The following GAK variants were observed in gnomAD, a reference collection of about 807,000 sequenced individuals.
GAK encodes the protein cyclin G associated kinase, also known as cyclin-G-associated kinase.
In GAK, 79 loss-of-function variants were observed where a neutral mutation model predicts 143.9. The observed-to-expected ratio is 0.55, with a 90% CI of 0.46 to 0.66. The LOEUF (loss-of-function observed/expected upper bound fraction) is 0.66, where lower values mean the gene tolerates loss of function less well. Among genes scored for constraint, GAK ranks in the 30% least tolerant of loss-of-function variants. The pLI is 0.00. For synonymous variants in GAK, 881 were observed against 765.5 expected, an observed-to-expected ratio of 1.15 and a Z score of -2.49; for missense variants, 1,693 against 1,779.7, an observed-to-expected ratio of 0.95 and a Z score of 0.88.
At chr4:929,511 C>G (rs1725346002) in intron 1 of GAK, among the ~76,000 whole-genome samples, 1 of 152,060 alleles carries the variant, frequency 6.6e-6, no homozygotes, top group Non-Finnish European at 1.5e-5. Context: ...ATACACCTGC[C>G]CTGGGCATCT....
At chr4:875,141 G>T (rs1489629945) in intron 18 of GAK, among the ~76,000 whole-genome samples, 1 of 152,072 alleles carries the variant, frequency 6.6e-6, no homozygotes, top group Non-Finnish European at 1.5e-5. Flanking sequence ...TCCCCGACAG[G>T]TCCTTCACCG....
intron 25 of GAK, chr4:851,286 G>A (rs926983566): frequency 4.1e-6 from 2 of 487,122 alleles, no homozygotes; most frequent in Non-Finnish European, 7.5e-6. Flanking sequence ...TTTGTAGAGA[G>A]GAGGTATCAC....
In GAK at chr4:876,591, A is replaced by C. The variant is rs1300405868; in HGVS notation, c.1993T>G (p.Phe665Val). The change falls in exon 18 of 28, where the codon TTC (phenylalanine) becomes GTC (valine). Residue 665 changes from phenylalanine (F) to valine (V), a missense_variant. Physicochemically the swap from Phe to Val is conservative, Grantham distance 50. Coordinates refer to ENST00000314167, the MANE Select transcript of GAK (RefSeq NM_005255.4). ...AACCCCGTGTGGAACTGAATCTGGAACATCTTCATGGATGCCATCTGCAAA... is the reference window on the plus strand; with the variant it reads ...AACCCCGTGTGGAACTGAATCTGGACCATCTTCATGGATGCCATCTGCAAA... The part of the protein sequence containing the change: ...LQAKMASMKM[F>V]QIQFHTGFVP... 1 of 1,614,188 alleles carries C rather than the reference A, an allele frequency of 6.2e-7. No homozygotes were observed. The highest frequency in any genetic ancestry group is 1.3e-5 in the African/African-American group (1 of 75,068).
intron 24 of GAK, among the ~76,000 whole-genome samples, chr4:856,951 A>G (rs1749401998): frequency 6.6e-6 from 1 of 152,210 alleles, no homozygotes; most frequent in South Asian, 2.1e-4. Flanking sequence ...TGCTGCCATA[A>G]AAGGTGCTGA....
chr4:903,043 G>A (rs967552507), intron 5 of GAK, among the ~76,000 whole-genome samples: 2 of 152,288 alleles, frequency 1.3e-5, no homozygotes, highest in African/African-American at 4.8e-5. Context: ...CGGGGCAGGA[G>A]TGTCCTCTGT....
At chr4:857,945 T>C (rs1749584630) in intron 24 of GAK, among the ~76,000 whole-genome samples, 1 of 152,326 alleles carries the variant, frequency 6.6e-6, no homozygotes, top group South Asian at 2.1e-4. Context: ...AGGCTGCACT[T>C]GCATCTTCAC....
At chr4:862,767 G>C (rs1442494924) in intron 23 of GAK, among the ~76,000 whole-genome samples, 1 of 152,046 alleles carries the variant, frequency 6.6e-6, no homozygotes, top group Non-Finnish European at 1.5e-5. Context: ...AATATTTTAA[G>C]TCCACTGTTG....
At chr4:905,625 C>T (rs745500431) in intron 4 of GAK, among the ~76,000 whole-genome samples, 9 of 151,620 alleles carry the variant, frequency 5.9e-5, no homozygotes, top group South Asian at 2.1e-4. Flanking sequence ...GGCCACGCTT[C>T]GGACTCTGCC....
intron 7 of GAK, among the ~76,000 whole-genome samples, chr4:895,319 C>T (rs1176322694): frequency 1.3e-5 from 2 of 152,248 alleles, no homozygotes; most frequent in East Asian, 1.9e-4. Flanking sequence ...GTGATTACTT[C>T]GGCATCAGGA....
Position 876,563 on chromosome 4 carries a change from A to T in GAK, c.2021T>A (p.Val674Glu). Residue 674 changes from valine (V) to glutamate (E), a missense_variant, in exon 18 of 28, where the codon GTG becomes GAG. Transcript: ENST00000314167. ...TTTCACAGTGGTGGCGTTCCGAGGC[A>T]CAAACCCCGTGTGGAACTGAATCTG... ...MFQIQFHTGF[V>E]PRNATTVKFA... 6.2e-7 allele frequency: 1 copy of T among 1,614,208 alleles called. No individual in the cohort carries two copies. The highest frequency in any genetic ancestry group is 8.5e-7 in the Non-Finnish European group (1 of 1,180,038).
At chr4:896,334 A>G in intron 7 of GAK, 126 bp downstream of exon 7, 1 of 703,326 alleles carries the variant, frequency 1.4e-6, no homozygotes, top group Non-Finnish European at 2.5e-6. Context: ...AGAAAAGGGG[A>G]CGGGAGGGGA....
chr4:887,455 A>G (rs1716677078), intron 11 of GAK: 1 of 151,268 alleles, frequency 6.6e-6, no homozygotes, highest in Non-Finnish European at 1.5e-5. Context: ...ACATGCATAC[A>G]CATGCACGCA....
At chr4:903,210 A>G (rs3775116) in intron 5 of GAK, among the ~76,000 whole-genome samples, 114,537 of 151,952 alleles carry the variant, frequency 0.75, 43,646 homozygotes, top group African/African-American at 0.83. Context: ...TCTGTGTGGC[A>G]GTGTGGTGGG....
At position 867,873 on chromosome 4, in the gene GAK, T is replaced by TC. The variant is rs1234722127; in HGVS notation, c.2396-442dup. On this transcript the variant is annotated intron_variant, in intron 20 of 27. Transcript: ENST00000314167. The stretch of plus-strand genomic sequence containing the variant: ...CTGAGGCGTCTCCAGCACACCCACC[T>TC]CCAGCCTCTGCCTCAAGGGTCTGCC... 2.0e-5 allele frequency among the ~76,000 whole-genome samples: 3 copies of TC among 152,256 alleles called. No homozygotes were observed. In the East Asian group the frequency reaches 5.8e-4, roughly 29 times the overall value.
chr4:877,966 GT>G (rs1021127435), intron 15 of GAK, among the ~76,000 whole-genome samples, 157 bp from the exon 16 acceptor site: 8 of 151,574 alleles, frequency 5.3e-5, no homozygotes, highest in African/African-American at 1.5e-4. Context: ...TTTTCATTTA[GT>G]TATATATATA....
chr4:859,785 ACCTCCGATGGCG>A (rs1323717146), intron 23 of GAK, 63 bp from the exon 24 acceptor site: 1 of 1,198,196 alleles, frequency 8.3e-7, no homozygotes, highest in Admixed American at 2.2e-5. Context: ...TCCTCCTGGG[ACCTCCGATGGCG>A]CCTCCTTACG....
intron 1 of GAK, chr4:913,891 C>CAT: frequency 2.3e-6 from 1 of 429,228 alleles, no homozygotes; most frequent in East Asian, 4.6e-5. Context: ...CACACACACA[C>CAT]AGCCCCAGCG....
intron 18 of GAK, among the ~76,000 whole-genome samples, chr4:873,021 G>A (rs1390245382): frequency 1.3e-5 from 2 of 151,622 alleles, no homozygotes; most frequent in Non-Finnish European, 2.9e-5. Flanking sequence ...GCCCAGGCAC[G>A]GCGCAGGCTC....
At chr4:881,477 C>T (rs1049500186) in intron 15 of GAK, among the ~76,000 whole-genome samples, 7 of 152,212 alleles carry the variant, frequency 4.6e-5, no homozygotes, top group Admixed American at 6.5e-5. Flanking sequence ...GCCTGCTGCG[C>T]GCTGAGGTGG....
Sources: gnomAD v4.1 joint callset for allele counts (sites outside exome capture counted in the v4.1 genomes callset) on GRCh38, gnomAD v4.1.1 for gene constraint, MANE v1.5 for transcripts, NCBI Gene and HGNC (gene_info 2026-07-23, HGNC 2026-07-21) for gene names.